The following ZIM2 variants were observed in gnomAD, a reference collection of about 807,000 sequenced individuals.
The protein encoded by ZIM2 is zinc finger imprinted 2, also known as zinc finger protein 656.
A neutral mutation model predicts 38.6 loss-of-function variants in ZIM2; 14 were observed. That is an observed-to-expected ratio of 0.36 (90% CI 0.24 to 0.57). The LOEUF (loss-of-function observed/expected upper bound fraction) is 0.57. Among genes scored for constraint, ZIM2 ranks in the 20% least tolerant of loss-of-function variants. The pLI is 0.81. For synonymous variants in ZIM2, 247 were observed against 245.8 expected, an observed-to-expected ratio of 1.00 and a Z score of -0.04; for missense variants, 680 against 695.1, an observed-to-expected ratio of 0.98 and a Z score of 0.24.
At chr19:56,809,365 G>C (rs1477752908) in intron 9 of ZIM2, among the ~76,000 whole-genome samples, 2 of 152,186 alleles carry the variant, frequency 1.3e-5, no homozygotes, top group African/African-American at 4.8e-5. Flanking sequence ...GTGACATGAA[G>C]GATATTAGAC....
chr19:56,812,726 T>C (rs1568605959), intron 9 of ZIM2: 1 of 984,176 alleles, frequency 1.0e-6, no homozygotes, highest in African/African-American at 1.8e-5. Flanking sequence ...GTGATGGTTG[T>C]AACCCATTCT....
intron 9 of ZIM2, chr19:56,810,886 A>T: frequency 1.0e-6 from 1 of 962,854 alleles, no homozygotes; most frequent in Non-Finnish European, 1.2e-6. Context: ...ATGCACACCA[A>T]TGGAGACACA....
intron 2 of ZIM2, among the ~76,000 whole-genome samples, chr19:56,832,404 T>C (rs2061662862): frequency 6.6e-6 from 1 of 151,996 alleles, no homozygotes; most frequent in Non-Finnish European, 1.5e-5. Flanking sequence ...CGCATCAAGC[T>C]CCACACCCAA....
Position 56,775,198 on chromosome 19 carries a change from A to G in ZIM2, c.1167T>C (p.Cys389=). The change falls in exon 13 of 13, where the codon TGT becomes TGC. Residue 389 remains cysteine, a synonymous_variant. Coordinates refer to ENST00000629319, the MANE Select transcript of ZIM2 (RefSeq NM_001387356.1). ...GATAGAAGGCTTCAGCACACTGTTT[A>G]CATTCATAGGGTTTCTTCCCAGTAT... ...RIHTGKKPYE[C]KQCAEAFYLM... 1 of 1,614,100 alleles carries G rather than the reference A, an allele frequency of 6.2e-7. No homozygotes were observed. The highest frequency in any genetic ancestry group is 8.5e-7 in the Non-Finnish European group (1 of 1,180,014).
At chr19:56,819,272 T>C (rs1028393201) in intron 7 of ZIM2, among the ~76,000 whole-genome samples, 6 of 152,360 alleles carry the variant, frequency 3.9e-5, no homozygotes, top group Admixed American at 1.3e-4. Context: ...TGGCATAGCA[T>C]GGCTACATTG....
chr19:56,836,111 A>C lies in ZIM2; in HGVS notation c.-313-7T>G. 2.1e-6 allele frequency: 1 copy of C among 469,750 alleles called. No individual in the cohort carries two copies. Among genetic ancestry groups the C allele is most frequent in the East Asian group, 6.3e-5 (1 of 15,776 alleles). 29.1% of individuals were successfully genotyped at this position (469,750 alleles called of 1,614,324 possible). A position where few individuals can be genotyped will look rare whatever the true frequency, so the allele number is the denominator to read the frequency against. On this transcript the variant is annotated splice_polypyrimidine_tract_variant and splice_region_variant and intron_variant, in intron 1 of 12. Coordinates refer to ENST00000629319, the MANE Select transcript of ZIM2 (RefSeq NM_001387356.1). ...GAAGATCAAGAAGGCAAAGCTGTAG[A>C]GGAAAAGAAAATGTGAGACGCCAAG...
intron 9 of ZIM2, among the ~76,000 whole-genome samples, chr19:56,804,759 TA>T (rs1285974049): frequency 6.6e-6 from 1 of 152,238 alleles, no homozygotes; most frequent in African/African-American, 2.4e-5. Context: ...CAAACATTTG[TA>T]AAATAGGCAT....
chr19:56,785,576 T>TA (rs1193931647), intron 10 of ZIM2, among the ~76,000 whole-genome samples: 1 of 152,240 alleles, frequency 6.6e-6, no homozygotes, highest in Non-Finnish European at 1.5e-5. Context: ...ATCATGTCCC[T>TA]ATAAGAGCTG....
intron 9 of ZIM2, among the ~76,000 whole-genome samples, chr19:56,799,936 C>T (rs1211323258): frequency 2.0e-5 from 3 of 152,164 alleles, no homozygotes; most frequent in Admixed American, 1.3e-4. Flanking sequence ...AGTTACACAA[C>T]GAATGCATGC....
At chr19:56,787,476 A>AT (rs1483377839) in intron 10 of ZIM2, among the ~76,000 whole-genome samples, 2 of 152,072 alleles carry the variant, frequency 1.3e-5, no homozygotes, top group African/African-American at 4.8e-5. Flanking sequence ...GGGTTTCACC[A>AT]TGTTGGTCAG....
intron 7 of ZIM2, among the ~76,000 whole-genome samples, chr19:56,819,083 A>C (rs910061622): frequency 3.9e-5 from 6 of 152,184 alleles, no homozygotes; most frequent in African/African-American, 1.4e-4. Context: ...AGGTTTGTGG[A>C]GGGCAGGTGG....
At chr19:56,778,575 CAAA>C (rs550395597) in intron 12 of ZIM2, among the ~76,000 whole-genome samples, 151 of 152,000 alleles carry the variant, frequency 9.9e-4, no homozygotes, top group Non-Finnish European at 1.7e-3. Context: ...TGTACAGGAA[CAAA>C]AAAATGCATC....
In ZIM2 at chr19:56,818,549, A is replaced by C. The variant is rs372026247; in HGVS notation, c.397+51T>G. On this transcript the variant is annotated intron_variant, in intron 8 of 12. Coordinates refer to ENST00000629319, the MANE Select transcript of ZIM2 (RefSeq NM_001387356.1). Reference sequence around the variant, plus strand: ...CCAGCTTAAAAAGGAGCAAGATGACAAAATGCTCCAATGACTGGACTGGGA... The same window carrying C: ...CCAGCTTAAAAAGGAGCAAGATGACCAAATGCTCCAATGACTGGACTGGGA... 1.3e-4 allele frequency: 205 copies of C among 1,600,022 alleles called. 1 individual carries two copies. In the African/African-American group the frequency reaches 2.2e-3, roughly 17 times the overall value.
Position 56,814,342 on chromosome 19 carries a change from G to GCAGCTGCTGCTGCTT in ZIM2, c.490+3389_490+3403dup. On this transcript the variant is annotated intron_variant, in intron 9 of 12. Transcript: ENST00000629319. The surrounding 1 kb of genome is among the most constrained non-coding windows in gnomAD (Gnocchi z 5.8). Reference sequence around the variant, plus strand: ...TTCAACTTCCTGGGCTGCTGCTGCTGCAGCTGCTGCTGCTTCATCTTCTTC... The same window carrying GCAGCTGCTGCTGCTT: ...TTCAACTTCCTGGGCTGCTGCTGCTGCAGCTGCTGCTGCTTCAGCTGCTGCTGCTTCATCTTCTTC... 2 of 1,613,326 alleles carry GCAGCTGCTGCTGCTT rather than the reference G, an allele frequency of 1.2e-6. No individual in the cohort carries two copies. Among genetic ancestry groups the GCAGCTGCTGCTGCTT allele is most frequent in the Non-Finnish European group, 1.7e-6 (2 of 1,179,446 alleles).
chr19:56,814,450 A>G lies in ZIM2; in HGVS notation c.490+3296T>C, dbSNP rs2059791290. 1 of 1,613,746 alleles carries G rather than the reference A, an allele frequency of 6.2e-7. No individual in the cohort carries two copies. Among genetic ancestry groups the G allele is most frequent in the Non-Finnish European group, 8.5e-7 (1 of 1,179,742 alleles). ...CTTACCACAATCCTTGCATTCATAG[A>G]ATGGTATAGCTCCTTTGAGGGGCTC... On this transcript the variant is annotated intron_variant, in intron 9 of 12. Transcript: ENST00000629319. This position sits in a 1 kb window ranked among gnomAD's most constrained non-coding sequence, Gnocchi z 5.8.
At chr19:56,775,854 C>A (rs1299293484) in intron 12 of ZIM2, among the ~76,000 whole-genome samples, 1 of 152,036 alleles carries the variant, frequency 6.6e-6, no homozygotes, top group Non-Finnish European at 1.5e-5. Context: ...GTAATCCCAG[C>A]ACCTTGGGAG....
At chr19:56,823,342 G>A (rs1031355483) in intron 5 of ZIM2, among the ~76,000 whole-genome samples, 1 of 152,200 alleles carries the variant, frequency 6.6e-6, no homozygotes, top group African/African-American at 2.4e-5. Context: ...GCAGCCTGTT[G>A]CAAATTCCAA....
chr19:56,798,276 T>C (rs911588677), intron 9 of ZIM2: 5 of 152,168 alleles, frequency 3.3e-5, no homozygotes, highest in Non-Finnish European at 7.3e-5. Flanking sequence ...GAGTTCGTAT[T>C]GCATCTCATG....
chr19:56,817,897 AT>A, intron 8 of ZIM2, 59 bp from the exon 9 acceptor site: 2 of 1,335,424 alleles, frequency 1.5e-6, no homozygotes, highest in Non-Finnish European at 2.1e-6. Flanking sequence ...ACTCATCACC[AT>A]AAATTGATCT....
Sources: gnomAD v4.1 joint callset for allele counts (sites outside exome capture counted in the v4.1 genomes callset) on GRCh38, gnomAD v4.1.1 for gene constraint, Gnocchi (gnomAD v3.1) non-coding constraint, MANE v1.5 for transcripts, NCBI Gene and HGNC (gene_info 2026-07-23, HGNC 2026-07-21) for gene names.